Variants in TDG observed in about 807,000 individuals in gnomAD.
TDG encodes thymine DNA glycosylase, also known as G/T mismatch-specific thymine DNA glycosylase.
A neutral mutation model predicts 46.1 loss-of-function variants in TDG; 23 were observed. The observed-to-expected ratio is 0.50, with a 90% confidence interval of 0.36 to 0.71. The LOEUF (loss-of-function observed/expected upper bound fraction) is 0.71. Ranked by LOEUF, TDG falls within the 30% of genes least tolerant of loss-of-function variation. TDG has a pLI of 0.00. For missense variants in TDG, 304 were observed against 486.7 expected (o/e 0.62, Z 3.53); for synonymous variants, 115 against 161.3 (o/e 0.71, Z 2.18).
chr12:103,985,166 T>TACATACACACACACACACAC lies in TDG; in HGVS notation c.964+249_964+250insTACACACACACACACACACA, dbSNP rs1555275231. On this transcript the variant is annotated intron_variant, in intron 8 of 9. Transcript: ENST00000392872. ...ATGTGTGTGTCTATATATAGACACA[T>TACATACACACACACACACAC]ACACACACACACACACACACACACA... Among the ~76,000 whole-genome samples, 15 of 138,562 alleles carry TACATACACACACACACACAC rather than the reference T, an allele frequency of 1.1e-4. No homozygotes were observed. In the East Asian group the frequency reaches 2.2e-3, roughly 20 times the overall value. 90.9% of individuals were successfully genotyped at this position (138,562 alleles called of 152,430 possible).
chr12:103,980,153 T>A (rs1050263979), intron 3 of TDG, 81 bp downstream of exon 3: 1 of 1,579,012 alleles, frequency 6.3e-7, no homozygotes, highest in Admixed American at 1.8e-5. Context: ...GCAAATAGCA[T>A]TTTGCTGAAA....
chr12:103,985,539 A>G (rs747965879), intron 8 of TDG, 64 bp from the exon 9 acceptor site: 84 of 1,527,400 alleles, frequency 5.5e-5, no homozygotes, highest in Non-Finnish European at 6.5e-5. Context: ...ATGATTTCTG[A>G]ATAAAGCTAC....
In TDG at chr12:103,967,401, C is replaced by T. The variant is rs375100613; in HGVS notation, c.23+1341C>T. ...CCTTAAGAGAGTAGTTCTCTGTCAC[C>T]CTTGACTGTGCTAATCAAGAAATGT... On this transcript the variant is annotated intron_variant, in intron 1 of 9. Transcript: ENST00000392872. 5.1e-4 allele frequency among the ~76,000 whole-genome samples: 78 copies of T among 152,056 alleles called. 1 individual carries two copies. In the South Asian group the frequency reaches 0.012, roughly 24 times the overall value.
chr12:103,984,351 T>C (rs975559399), intron 7 of TDG, among the ~76,000 whole-genome samples: 2 of 152,136 alleles, frequency 1.3e-5, no homozygotes, highest in Non-Finnish European at 2.9e-5. Context: ...CCCAGCACTT[T>C]GGGAGGCCGA....
chr12:103,985,279 C>G (rs1411678453), intron 8 of TDG, among the ~76,000 whole-genome samples: 1 of 151,700 alleles, frequency 6.6e-6, no homozygotes, highest in African/African-American at 2.4e-5. Flanking sequence ...CCAGAGTGCT[C>G]TGATAATGAA....
chr12:103,966,017 C>T lies in TDG; in HGVS notation c.-21C>T, dbSNP rs1261402132. 3.1e-6 allele frequency: 5 copies of T among 1,594,812 alleles called. No homozygotes were observed. The Admixed American group carries it at 8.6e-5, about 28-fold the overall frequency. On this transcript the variant is annotated 5_prime_UTR_variant, in exon 1 of 10. Transcript: ENST00000392872. ...CCGTGTGCCCGGCAGGTGGAGCCGC[C>T]CGCATCAGCGGCCTCGGGGAATGGA...
chr12:103,980,199 G>A (rs1245211289), intron 3 of TDG, 127 bp downstream of exon 3: 3 of 1,340,596 alleles, frequency 2.2e-6, no homozygotes, highest in Admixed American at 2.3e-5. Context: ...GTGGTAAATG[G>A]TGTCAGCTTC....
intron 4 of TDG, among the ~76,000 whole-genome samples, chr12:103,981,846 C>CA (rs935157453): frequency 1.3e-5 from 2 of 151,922 alleles, no homozygotes; most frequent in Non-Finnish European, 2.9e-5. Flanking sequence ...CTCATTTCTA[C>CA]AAAAAAATAA....
chr12:103,968,240 C>T (rs1271043620), intron 1 of TDG, among the ~76,000 whole-genome samples: 3 of 152,080 alleles, frequency 2.0e-5, no homozygotes, highest in South Asian at 2.1e-4. Context: ...TTCCCGTGAC[C>T]TCAGGCGTGA....
At chr12:103,981,635 A>G (rs1871841323) in intron 4 of TDG, among the ~76,000 whole-genome samples, 1 of 152,222 alleles carries the variant, frequency 6.6e-6, no homozygotes, top group Non-Finnish European at 1.5e-5. Flanking sequence ...ACATAATACT[A>G]ACTTTCCCAG....
chr12:103,978,574 G>C (rs1222063727), intron 2 of TDG, among the ~76,000 whole-genome samples: 1 of 152,224 alleles, frequency 6.6e-6, no homozygotes, highest in Non-Finnish European at 1.5e-5. Flanking sequence ...ATGTGAGGCA[G>C]AAGAGAGGAG....
In TDG at chr12:103,977,204, A is replaced by G. The variant is rs771379787; in HGVS notation, c.166+144A>G. 1.1e-4 allele frequency: 133 copies of G among 1,175,146 alleles called. 1 individual carries two copies. The highest frequency in any genetic ancestry group is 2.0e-4 in the Middle Eastern group (1 of 5,008). 72.8% of individuals were successfully genotyped at this position (1,175,146 alleles called of 1,614,324 possible). On this transcript the variant is annotated intron_variant, in intron 2 of 9. Transcript: ENST00000392872. The stretch of plus-strand genomic sequence containing the variant: ...AGTACTTAGTATGTGCTAAGCACTG[A>G]TAGGTTCTGGGGAATAAAAGAACAT...
intron 1 of TDG, among the ~76,000 whole-genome samples, chr12:103,974,009 C>T (rs895130174): frequency 6.6e-6 from 1 of 152,158 alleles, no homozygotes; most frequent in South Asian, 2.1e-4. Context: ...CTTTGCTTTA[C>T]CAACCTACCC....
intron 1 of TDG, among the ~76,000 whole-genome samples, chr12:103,975,762 AAC>A (rs1476277722): frequency 2.0e-5 from 3 of 152,008 alleles, no homozygotes; most frequent in Admixed American, 2.0e-4. Flanking sequence ...TCCAGGCTCA[AAC>A]AGTTCTCCTG....
rs538758245 is a variant in TDG, at chr12:103,984,836, G to A, written c.880G>A (p.Asp294Asn). Residue 294 changes from aspartate to asparagine, a missense_variant, in exon 8 of 10, where the codon GAC becomes AAC. Coordinates refer to ENST00000392872, the MANE Select transcript of TDG (RefSeq NM_003211.6). The stretch of plus-strand genomic sequence containing the variant: ...AGTTCATTACTACATAAAACTGAAG[G>A]ACTTAAGAGATCAGTTGAAAGGCAT... ...DKVHYYIKLK[D>N]LRDQLKGIER... 2 of 1,613,578 alleles carry A rather than the reference G, an allele frequency of 1.2e-6. No individual in the cohort carries two copies. Among genetic ancestry groups the A allele is most frequent in the African/African-American group, 2.7e-5 (2 of 75,064 alleles).
intron 1 of TDG, among the ~76,000 whole-genome samples, chr12:103,974,440 C>T (rs1871424189): frequency 6.6e-6 from 1 of 152,048 alleles, no homozygotes; most frequent in South Asian, 2.1e-4. Flanking sequence ...CCATGCCCAG[C>T]TAATGTTTTA....
chr12:103,980,179 A>T, intron 3 of TDG, 107 bp downstream of exon 3: 1 of 1,488,590 alleles, frequency 6.7e-7, no homozygotes, highest in East Asian at 2.3e-5. Context: ...CATTTCTAAG[A>T]ATCCTTTTGG....
At chr12:103,972,901 T>C (rs1010242796) in intron 1 of TDG, 12 of 620,060 alleles carry the variant, frequency 1.9e-5, no homozygotes, top group African/African-American at 1.7e-4. Context: ...AAAAATTTTT[T>C]TAAAGTAAAG....
intron 2 of TDG, 36 bp downstream of exon 2, chr12:103,977,096 C>CG (rs1566180364): frequency 1.3e-6 from 2 of 1,576,262 alleles, no homozygotes; most frequent in Admixed American, 2.0e-5. Context: ...AGTTCAACAT[C>CG]GGATCAGCCA....
Sources: allele counts gnomAD v4.1 joint callset (sites outside exome capture counted in the v4.1 genomes callset), GRCh38; gene constraint gnomAD v4.1.1; transcripts MANE v1.5; gene names NCBI Gene and HGNC (gene_info 2026-07-23, HGNC 2026-07-21).